SHANK2: variants seen among roughly 807,000 people sequenced by gnomAD.
SHANK2 encodes SH3 and multiple ankyrin repeat domains protein 2.
SHANK2 carries 43 observed loss-of-function variants against 133.7 expected under a neutral mutation model. That is an observed-to-expected ratio of 0.32 (90% confidence interval 0.25 to 0.41). The LOEUF is 0.41. Among genes scored for constraint, SHANK2 ranks in the 10% least tolerant of loss-of-function variants. The pLI is 1.00. For synonymous variants in SHANK2, 1,017 were observed against 952.8 expected, an observed-to-expected ratio of 1.07 and a Z score of -1.24; for missense variants, 1,994 against 2,235.8, an observed-to-expected ratio of 0.89 and a Z score of 2.18.
intron 17 of SHANK2, chr11:70,604,046 C>A (rs2060539518): frequency 6.6e-6 from 1 of 152,346 alleles, no homozygotes; most frequent in Non-Finnish European, 1.5e-5. Flanking sequence ...GTGTGCAGAG[C>A]CAGCAGCAAG....
rs566077464 is a variant in SHANK2, at chr11:70,636,102, G to A, written c.2061+23726C>T. Reference sequence around the variant, plus strand: ...CTCAGCCTAAATCCTTCCCCTTGGGGAGCCTTCCCTGACCACTCTGTCGAC... The same window carrying A: ...CTCAGCCTAAATCCTTCCCCTTGGGAAGCCTTCCCTGACCACTCTGTCGAC... On this transcript the variant is annotated intron_variant, in intron 17 of 25. Coordinates refer to ENST00000601538, the MANE Select transcript of SHANK2 (RefSeq NM_012309.5). Among the ~76,000 whole-genome samples, 73 of 152,358 alleles carry A rather than the reference G, an allele frequency of 4.8e-4. 1 individual carries two copies. The highest frequency in any genetic ancestry group is 1.6e-3 in the African/African-American group (66 of 41,584).
intron 2 of SHANK2, among the ~76,000 whole-genome samples, chr11:71,199,188 T>A (rs1184375381): frequency 6.6e-6 from 1 of 152,200 alleles, no homozygotes; most frequent in Non-Finnish European, 1.5e-5. Context: ...CCACTTGCTG[T>A]GTCACTTTGA....
At chr11:70,902,364 C>T (rs1226517466) in intron 10 of SHANK2, among the ~76,000 whole-genome samples, 1 of 152,226 alleles carries the variant, frequency 6.6e-6, no homozygotes, top group Non-Finnish European at 1.5e-5. Flanking sequence ...GGGGCGGGGC[C>T]TCCAGGGAAG....
chr11:70,672,167 G>A (rs1944825389), intron 15 of SHANK2, among the ~76,000 whole-genome samples: 1 of 150,184 alleles, frequency 6.7e-6, no homozygotes, highest in African/African-American at 2.5e-5. Context: ...GGGTTCAAGC[G>A]ATTCTCCTGC....
chr11:70,826,195 C>T (rs918635072), intron 11 of SHANK2, among the ~76,000 whole-genome samples: 2 of 152,222 alleles, frequency 1.3e-5, no homozygotes, highest in Non-Finnish European at 2.9e-5. Context: ...CTCCGTGGCA[C>T]GGTCCCCACG....
intron 14 of SHANK2, among the ~76,000 whole-genome samples, chr11:70,775,205 C>T (rs1410764426): frequency 1.3e-5 from 2 of 152,128 alleles, no homozygotes; most frequent in Non-Finnish European, 2.9e-5. Flanking sequence ...GGCCTCTAAT[C>T]CCAGCATTTT....
At chr11:71,118,796 A>C (rs1555100858) in intron 4 of SHANK2, 33 bp downstream of exon 4, 1 of 1,488,104 alleles carries the variant, frequency 6.7e-7, no homozygotes, top group African/African-American at 1.4e-5. Context: ...CTGTGACACA[A>C]CCACAGTCCA....
intron 11 of SHANK2, among the ~76,000 whole-genome samples, chr11:70,892,429 G>T (rs1448686205): frequency 1.3e-5 from 2 of 152,282 alleles, no homozygotes; most frequent in African/African-American, 4.8e-5. Context: ...TCCCAGCTCT[G>T]GTTCTAGGTC....
chr11:71,216,407 A>G (rs1225356532), intron 2 of SHANK2, among the ~76,000 whole-genome samples: 2 of 152,250 alleles, frequency 1.3e-5, no homozygotes, highest in Non-Finnish European at 2.9e-5. Flanking sequence ...GAACTGTCCC[A>G]GATGGGCAAA....
Position 70,485,266 on chromosome 11 carries a change from G to T in SHANK2, c.4979+48C>A. The T allele has an allele frequency of 6.5e-7, 1 of 1,531,418 alleles. No homozygotes were observed. The highest frequency in any genetic ancestry group is 1.1e-5 in the South Asian group (1 of 89,424). The allele number at this position is 1,531,418 out of a possible 1,614,324, so 94.9% of individuals were successfully genotyped here. A position where few individuals can be genotyped will look rare whatever the true frequency, so the allele number is the denominator to read the frequency against. On this transcript the variant is annotated intron_variant, in intron 25 of 25. Coordinates refer to ENST00000601538, the MANE Select transcript of SHANK2 (RefSeq NM_012309.5). The surrounding 1 kb of genome is among the most constrained non-coding windows in gnomAD (Gnocchi z 5.8). The stretch of plus-strand genomic sequence containing the variant: ...CCCGAGGGCCTTTCCTGGTCAGCAG[G>T]GACAGTGCACGCAGAGCGGTGTGCA...
At chr11:70,695,600 G>A (rs1555022071) in intron 15 of SHANK2, among the ~76,000 whole-genome samples, 1 of 152,188 alleles carries the variant, frequency 6.6e-6, no homozygotes, top group Non-Finnish European at 1.5e-5. Context: ...GGGAGGGTGG[G>A]GCCTGAATGC....
chr11:70,761,185 G>T (rs1946988612), intron 14 of SHANK2, among the ~76,000 whole-genome samples: 1 of 152,304 alleles, frequency 6.6e-6, no homozygotes, highest in Non-Finnish European at 1.5e-5. Context: ...GATGGTATCT[G>T]GTGATGGGGC....
rs568068166 is a variant in SHANK2 at position 71,220,035 on chromosome 11, A to G, written c.-13+4662T>C. ...GCTCAGGAGTTCAAGACCAGCCTGG[A>G]CAACATAGTGAGACCCCCCCACCCA... is the stretch of plus-strand genomic sequence containing the variant. On this transcript the variant is annotated intron_variant, in intron 2 of 25. Transcript: ENST00000601538. 6.6e-5 allele frequency among the ~76,000 whole-genome samples: 10 copies of G among 151,678 alleles called. No individual in the cohort carries two copies. In the South Asian group the frequency reaches 2.1e-3, roughly 32 times the overall value.
At chr11:70,723,419 C>T (rs1379283282) in intron 14 of SHANK2, among the ~76,000 whole-genome samples, 2 of 151,918 alleles carry the variant, frequency 1.3e-5, no homozygotes, top group Non-Finnish European at 2.9e-5. Context: ...CAGTCTCCAG[C>T]CCCCAGCCAG....
intron 17 of SHANK2, among the ~76,000 whole-genome samples, chr11:70,588,962 C>T (rs747273128): frequency 4.6e-5 from 7 of 152,178 alleles, no homozygotes; most frequent in African/African-American, 1.7e-4. Context: ...GGACTACAGG[C>T]GCCCGCCACC....
At chr11:70,787,679 A>T (rs1555047000) in intron 14 of SHANK2, among the ~76,000 whole-genome samples, 1 of 151,190 alleles carries the variant, frequency 6.6e-6, no homozygotes, top group East Asian at 2.0e-4. Context: ...CAGCATCACC[A>T]TGGCTGCCAT....
In SHANK2 at chr11:70,486,428, C is replaced by G; in HGVS notation, c.3865G>C (p.Asp1289His). The change falls in exon 25 of 26, where the codon GAC (aspartate) becomes CAC (histidine). Residue 1289 changes from aspartate (D) to histidine (H), a missense_variant. Physicochemically the swap from Asp to His is moderately conservative, Grantham distance 81. Transcript: ENST00000601538. This position sits in a 1 kb window ranked among gnomAD's most constrained non-coding sequence, Gnocchi z 8.0. ...TTCTTCTTGTCATCGCCTTTCCGGTCTCGGCCCAGGTCGGTCTCGTACTTG... is the reference window on the plus strand; with the variant it reads ...TTCTTCTTGTCATCGCCTTTCCGGTGTCGGCCCAGGTCGGTCTCGTACTTG... ...ENKYETDLGR[D>H]RKGDDKKNML... 1 of 1,614,092 alleles carries G rather than the reference C, an allele frequency of 6.2e-7. No individual in the cohort carries two copies. The highest frequency in any genetic ancestry group is 2.2e-5 in the East Asian group (1 of 44,876).
At chr11:70,906,192 C>T (rs1489334451) in intron 10 of SHANK2, among the ~76,000 whole-genome samples, 2 of 152,210 alleles carry the variant, frequency 1.3e-5, no homozygotes, top group Non-Finnish European at 2.9e-5. Context: ...CAGCCCCAGG[C>T]TCCGACAAGG....
At chr11:70,580,523 T>A (rs1554985191) in intron 17 of SHANK2, among the ~76,000 whole-genome samples, 1 of 152,188 alleles carries the variant, frequency 6.6e-6, no homozygotes, top group African/African-American at 2.4e-5. Flanking sequence ...CCCGGCCTTG[T>A]CTGGGCAGTC....
Sources: gnomAD v4.1 joint callset for allele counts (sites outside exome capture counted in the v4.1 genomes callset) on GRCh38, gnomAD v4.1.1 for gene constraint, Gnocchi (gnomAD v3.1) non-coding constraint, MANE v1.5 for transcripts, NCBI Gene and HGNC (gene_info 2026-07-23, HGNC 2026-07-21) for gene names.